The following COL4A2 variants were observed in gnomAD, a reference collection of about 807,000 sequenced individuals.
COL4A2 encodes the protein collagen alpha-2(IV) chain.
A neutral mutation model predicts 200.2 loss-of-function variants in COL4A2; 99 were observed. The ratio of observed to expected loss-of-function variants is 0.49; its 90% CI spans 0.42 to 0.58. The LOEUF is 0.58. Among genes scored for constraint, COL4A2 ranks in the 20% least tolerant of loss-of-function variants. COL4A2 has a pLI of 0.00. For missense variants in COL4A2, 1,950 were observed against 2,314.1 expected, an observed-to-expected ratio of 0.84 and a Z score of 3.23; for synonymous variants, 897 against 900.6, an observed-to-expected ratio of 1.00 and a Z score of 0.07.
Position 110,485,850 on chromosome 13 carries a change from T to C in COL4A2, c.3207+14T>C. The C allele has an allele frequency of 1.9e-6, 3 of 1,612,638 alleles. No individual in the cohort carries two copies. Among genetic ancestry groups the C allele is most frequent in the Non-Finnish European group, 2.5e-6 (3 of 1,179,522 alleles). On this transcript the variant is annotated intron_variant, in intron 34 of 47. Coordinates refer to ENST00000360467, the MANE Select transcript of COL4A2 (RefSeq NM_001846.4). ...ATAGGAAGCCGGGTGAGTGGGCGTCTTTTACTCCCCTTGTTCTGTGAGCTC... is the reference window on the plus strand; with the variant it reads ...ATAGGAAGCCGGGTGAGTGGGCGTCCTTTACTCCCCTTGTTCTGTGAGCTC...
intron 3 of COL4A2, among the ~76,000 whole-genome samples, chr13:110,315,871 G>A (rs2139345164): frequency 6.6e-6 from 1 of 152,338 alleles, no homozygotes; most frequent in African/African-American, 2.4e-5. Context: ...AATGATTGCA[G>A]TTAGTTGGCA....
chr13:110,397,010 C>T (rs2073552925), intron 4 of COL4A2, among the ~76,000 whole-genome samples: 2 of 152,184 alleles, frequency 1.3e-5, no homozygotes, highest in African/African-American at 2.4e-5. Context: ...CCAGGCTTCA[C>T]GGACATGACT....
chr13:110,456,779 A>G (rs1490231374), intron 20 of COL4A2: 2 of 475,624 alleles, frequency 4.2e-6, no homozygotes, highest in Admixed American at 4.7e-5. Flanking sequence ...GTGCCTCACA[A>G]CTGGGTGGGA....
intron 3 of COL4A2, among the ~76,000 whole-genome samples, chr13:110,336,483 G>A (rs1022056331): frequency 1.2e-4 from 19 of 152,202 alleles, no homozygotes; most frequent in Non-Finnish European, 2.4e-4. Flanking sequence ...GGGCTCCTGC[G>A]CGCTGCCCAG....
At chr13:110,463,755 C>T (rs1253710920) in intron 24 of COL4A2, among the ~76,000 whole-genome samples, 1 of 152,190 alleles carries the variant, frequency 6.6e-6, no homozygotes, top group Non-Finnish European at 1.5e-5. Flanking sequence ...ATGCTGGTCT[C>T]AAACTCCTGG....
At chr13:110,464,359 C>T (rs749345406) in intron 24 of COL4A2, among the ~76,000 whole-genome samples, 64 of 152,014 alleles carry the variant, frequency 4.2e-4, no homozygotes, top group Admixed American at 7.2e-4. Flanking sequence ...TGCTTGTGTG[C>T]CTTCCTTGTT....
intron 3 of COL4A2, among the ~76,000 whole-genome samples, chr13:110,354,892 A>C (rs963987950): frequency 6.6e-6 from 1 of 152,224 alleles, no homozygotes; most frequent in African/African-American, 2.4e-5. Context: ...GCTGGGCGGC[A>C]GTGGCAGAGT....
chr13:110,333,958 C>G (rs1876049655), intron 3 of COL4A2, among the ~76,000 whole-genome samples: 1 of 152,182 alleles, frequency 6.6e-6, no homozygotes, highest in Admixed American at 6.5e-5. Flanking sequence ...GAAACCGAGT[C>G]TAGAAAGTCA....
intron 33 of COL4A2, 123 bp from the exon 34 acceptor site, chr13:110,485,522 CAAAAAAAAAA>C (rs34819988): frequency 3.1e-5 from 11 of 360,038 alleles, no homozygotes; most frequent in African/African-American, 7.4e-5. Flanking sequence ...GACTCCGTCT[CAAAAAAAAAA>C]AAAAAAAAAA....
intron 20 of COL4A2, among the ~76,000 whole-genome samples, chr13:110,454,963 C>T (rs566363944): frequency 6.6e-6 from 1 of 152,238 alleles, no homozygotes; most frequent in East Asian, 1.9e-4. Context: ...CCCTCCTGCA[C>T]AAACCCGGGA....
chr13:110,357,495 G>T lies in COL4A2; in HGVS notation c.123G>T (p.Pro41=). ...VLAGVKKFDV[P]CGGRDCSGGC... The stretch of plus-strand genomic sequence containing the variant: ...AGGGTGTGAAGAAGTTTGATGTGCC[G>T]TGTGGAGGAAGAGATTGCAGTGGGG... Residue 41 remains proline, a synonymous_variant, in exon 4 of 48, where the codon CCG becomes CCT. Coordinates refer to ENST00000360467, the MANE Select transcript of COL4A2 (RefSeq NM_001846.4). 6.3e-7 allele frequency: 1 copy of T among 1,594,658 alleles called. No homozygotes were observed. Among genetic ancestry groups the T allele is most frequent in the Non-Finnish European group, 8.6e-7 (1 of 1,168,624 alleles).
At chr13:110,389,731 T>A (rs568107371) in intron 4 of COL4A2, among the ~76,000 whole-genome samples, 2 of 152,340 alleles carry the variant, frequency 1.3e-5, no homozygotes, top group East Asian at 3.9e-4. Flanking sequence ...AGAAGCAGGC[T>A]GCTGTTCAGG....
chr13:110,430,508 C>A (rs1880636570), intron 9 of COL4A2, 37 bp from the exon 10 acceptor site: 1 of 1,614,194 alleles, frequency 6.2e-7, no homozygotes, highest in East Asian at 2.2e-5. Context: ...TACCAGTTTA[C>A]CTCTCTTAAA....
At chr13:110,449,471 C>T (rs931242883) in intron 18 of COL4A2, among the ~76,000 whole-genome samples, 2 of 152,316 alleles carry the variant, frequency 1.3e-5, no homozygotes, top group Admixed American at 6.5e-5. Context: ...TACTTCCTCA[C>T]CCGGTTTTCA....
chr13:110,359,899 C>T (rs4773167), intron 4 of COL4A2, among the ~76,000 whole-genome samples: 75,378 of 152,140 alleles, frequency 0.5, 20,531 homozygotes, highest in Admixed American at 0.62. Flanking sequence ...TTGCACTTCT[C>T]AAAACAGTTA....
intron 4 of COL4A2, among the ~76,000 whole-genome samples, chr13:110,365,095 C>T (rs532050431): frequency 6.6e-6 from 1 of 151,952 alleles, no homozygotes; most frequent in Admixed American, 6.5e-5. Context: ...GCATAATCCA[C>T]TGCCTGTGTT....
At chr13:110,505,930 T>A (rs1452439203) in intron 45 of COL4A2, among the ~76,000 whole-genome samples, 3 of 152,160 alleles carry the variant, frequency 2.0e-5, no homozygotes, top group African/African-American at 7.2e-5. Flanking sequence ...AAAGGACCCC[T>A]CCTCTGTGCC....
At chr13:110,509,420 T>G (rs1342530363) in intron 47 of COL4A2, among the ~76,000 whole-genome samples, 1 of 152,038 alleles carries the variant, frequency 6.6e-6, no homozygotes, top group Non-Finnish European at 1.5e-5. Flanking sequence ...ATCGTTGCTA[T>G]GATAAGTTGG....
chr13:110,399,754 T>G (rs920427513), intron 4 of COL4A2, among the ~76,000 whole-genome samples: 2 of 152,236 alleles, frequency 1.3e-5, no homozygotes, highest in African/African-American at 4.8e-5. Context: ...TTTAATCTGA[T>G]TATGCCTGCC....
Sources: allele counts gnomAD v4.1 joint callset (sites outside exome capture counted in the v4.1 genomes callset), GRCh38; gene constraint gnomAD v4.1.1; transcripts MANE v1.5; gene names NCBI Gene and HGNC (gene_info 2026-07-23, HGNC 2026-07-21).